Variants in SPRY3 observed in about 807,000 individuals in gnomAD.
The protein encoded by SPRY3 is protein sprouty homolog 3.
SPRY3 carries 15 observed loss-of-function variants against 20.2 expected under a neutral mutation model. The observed-to-expected ratio is 0.74, with a 90% CI of 0.50 to 1.14. The LOEUF (loss-of-function observed/expected upper bound fraction) is 1.14. SPRY3 is among the 50% of genes most tolerant of loss of function. SPRY3 has a pLI of 0.00. For missense variants in SPRY3, 364 were observed against 363.9 expected, an observed-to-expected ratio of 1.00 and a Z score of 0.00; for synonymous variants, 143 against 136.5, an observed-to-expected ratio of 1.05 and a Z score of -0.33.
intron 1 of SPRY3, among the ~76,000 whole-genome samples, chrX:155,638,989 A>G (rs145773921): frequency 7.0e-4 from 78 of 111,100 alleles, no homozygotes; most frequent in African/African-American, 2.4e-3. Context: ...CAAAGCATCT[A>G]TCTCTACAGG....
chrX:155,740,154 G>C (rs999838900), intron 2 of SPRY3, among the ~76,000 whole-genome samples: 2 of 152,248 alleles, frequency 1.3e-5, no homozygotes, highest in Admixed American at 1.3e-4. Context: ...CGCCTGTCTT[G>C]CTTTAATCTC....
chrX:155,782,440 A>G (rs2091468477), exon 2 of SPRY3: 1 of 166,876 alleles, frequency 6.0e-6, no homozygotes, highest in Non-Finnish European at 1.5e-5. Context: ...TAAAAATAAA[A>G]TTCTGTACCA....
At chrX:155,757,219 C>T (rs1352175937) in intron 2 of SPRY3, among the ~76,000 whole-genome samples, 1 of 152,074 alleles carries the variant, frequency 6.6e-6, no homozygotes. Flanking sequence ...CTTCCCTCAC[C>T]CTTCCCACTC....
chrX:155,625,183 A>T (rs2067884362), intron 1 of SPRY3, among the ~76,000 whole-genome samples: 1 of 111,662 alleles, frequency 9.0e-6, no homozygotes, highest in African/African-American at 3.2e-5. Flanking sequence ...TGATTTATGT[A>T]TACATTGTAG....
At chrX:155,725,135 A>T (rs1392801300) in intron 2 of SPRY3, among the ~76,000 whole-genome samples, 1 of 152,154 alleles carries the variant, frequency 6.6e-6, no homozygotes, top group East Asian at 1.9e-4. Context: ...TGATTTGTGT[A>T]TGTTGAACTA....
At chrX:155,650,286 G>A (rs1239872294) in intron 1 of SPRY3, among the ~76,000 whole-genome samples, 1 of 111,691 alleles carries the variant, frequency 9.0e-6, no homozygotes, top group African/African-American at 3.3e-5. Context: ...AATCAAAATA[G>A]AGCCCGTATA....
intron 1 of SPRY3, among the ~76,000 whole-genome samples, chrX:155,617,988 T>A (rs2067859576): frequency 8.9e-6 from 1 of 112,010 alleles, no homozygotes; most frequent in African/African-American, 3.2e-5. Flanking sequence ...ACAATATCAA[T>A]CCAGGAAATT....
chrX:155,716,660 C>T (rs957648741), intron 2 of SPRY3, among the ~76,000 whole-genome samples: 9 of 151,796 alleles, frequency 5.9e-5, no homozygotes, highest in East Asian at 3.9e-4. Flanking sequence ...CTGTCTTCCC[C>T]GTGCTGTGTA....
rs183825189 is a variant in SPRY3, at chrX:155,766,160, C to G, written c.-281-1802C>G. Among the ~76,000 whole-genome samples, 5 of 152,300 alleles carry G rather than the reference C, an allele frequency of 3.3e-5. No individual in the cohort carries two copies. In the East Asian group the frequency reaches 9.7e-4, roughly 29 times the overall value. On this transcript the variant is annotated intron_variant, in intron 2 of 3. Coordinates refer to ENST00000675360, the Ensembl canonical transcript of SPRY3. ...ACACAGGCATGCACGCATGCACACACACATATACCTACATACATGTCATCA... is the reference window on the plus strand; with the variant it reads ...ACACAGGCATGCACGCATGCACACAGACATATACCTACATACATGTCATCA...
At chrX:155,673,645 A>T (rs189238713) in intron 2 of SPRY3, among the ~76,000 whole-genome samples, 1 of 111,708 alleles carries the variant, frequency 9.0e-6, no homozygotes, top group Non-Finnish European at 1.9e-5. Flanking sequence ...CATCTCATCC[A>T]TTTCTGCCTT....
chrX:155,769,712 A>G (rs1406340054), intron 3 of SPRY3, among the ~76,000 whole-genome samples: 2 of 152,194 alleles, frequency 1.3e-5, no homozygotes, highest in Non-Finnish European at 2.9e-5. Context: ...CCCTGGTTTG[A>G]AATAAACTGC....
At chrX:155,660,278 C>T (rs1004673568) in intron 2 of SPRY3, among the ~76,000 whole-genome samples, 7 of 112,005 alleles carry the variant, frequency 6.2e-5, no homozygotes, top group Non-Finnish European at 1.1e-4. Context: ...TCATCATCTA[C>T]CCACAGATTA....
At chrX:155,741,764 G>A (rs1001248510) in intron 2 of SPRY3, among the ~76,000 whole-genome samples, 4 of 152,020 alleles carry the variant, frequency 2.6e-5, no homozygotes, top group Non-Finnish European at 5.9e-5. Flanking sequence ...AAGCAAAAGA[G>A]AAATAAGATC....
chrX:155,772,747 G>C (rs936363848), intron 3 of SPRY3, among the ~76,000 whole-genome samples: 1 of 151,944 alleles, frequency 6.6e-6, no homozygotes, highest in Non-Finnish European at 1.5e-5. Context: ...GTAGTACAAT[G>C]GAAATGCAAG....
chrX:155,716,702 A>C (rs1162648917), intron 2 of SPRY3, among the ~76,000 whole-genome samples: 1 of 151,548 alleles, frequency 6.6e-6, no homozygotes, highest in Non-Finnish European at 1.5e-5. Context: ...TTTTTTAATC[A>C]TAACTTTTTT....
chrX:155,721,801 A>G (rs2091060309), intron 2 of SPRY3, among the ~76,000 whole-genome samples: 1 of 152,220 alleles, frequency 6.6e-6, no homozygotes, highest in African/African-American at 2.4e-5. Context: ...CCTAGAAGAA[A>G]TGCTAAACAG....
chrX:155,715,580 C>T (rs2091016701), intron 2 of SPRY3, among the ~76,000 whole-genome samples: 1 of 152,162 alleles, frequency 6.6e-6, no homozygotes, highest in Non-Finnish European at 1.5e-5. Context: ...GCTGCCCCAG[C>T]TGGTGTCTCA....
intron 1 of SPRY3, among the ~76,000 whole-genome samples, chrX:155,643,094 T>C (rs782279958): frequency 8.9e-6 from 1 of 111,971 alleles, no homozygotes; most frequent in Non-Finnish European, 1.9e-5. Context: ...CCAGCTATTA[T>C]TGTATTGGGA....
chrX:155,640,353 C>G (rs1476208355), intron 1 of SPRY3, among the ~76,000 whole-genome samples: 2 of 112,261 alleles, frequency 1.8e-5, no homozygotes, highest in Non-Finnish European at 3.8e-5. Flanking sequence ...ATGTATAGTA[C>G]TTTACTGTAT....
Sources: allele counts gnomAD v4.1 joint callset (sites outside exome capture counted in the v4.1 genomes callset), GRCh38; gene constraint gnomAD v4.1.1; transcripts MANE v1.5; gene names NCBI Gene and HGNC (gene_info 2026-07-23, HGNC 2026-07-21).